CNIH3: variants seen among roughly 807,000 people sequenced by gnomAD.
CNIH3 encodes protein cornichon homolog 3.
A neutral mutation model predicts 24.1 loss-of-function variants in CNIH3; 14 were observed. The ratio of observed to expected loss-of-function variants is 0.58; its 90% CI spans 0.38 to 0.91. The LOEUF (loss-of-function observed/expected upper bound fraction) is 0.91. CNIH3 is among the 40% of genes least tolerant of loss of function. CNIH3 has a pLI of 0.00. For missense variants in CNIH3, 178 were observed against 196.8 expected (o/e 0.90, Z 0.57); for synonymous variants, 68 against 73.8 (o/e 0.92, Z 0.40).
intron 3 of CNIH3, among the ~76,000 whole-genome samples, chr1:224,696,746 G>A (rs16852065): frequency 0.046 from 6,879 of 151,150 alleles, 242 homozygotes; most frequent in Non-Finnish European, 0.065. Flanking sequence ...TACATAGTTG[G>A]TTGTTATGTG....
chr1:224,576,961 T>A (rs891555420), intron 4 of CNIH3, among the ~76,000 whole-genome samples: 2 of 151,976 alleles, frequency 1.3e-5, no homozygotes, highest in African/African-American at 4.8e-5. Context: ...AAACATAAAG[T>A]GGGACAAAGG....
chr1:224,439,644 G>A (rs1181071174), intron 1 of CNIH3, among the ~76,000 whole-genome samples: 1 of 152,064 alleles, frequency 6.6e-6, no homozygotes, highest in Non-Finnish European at 1.5e-5. Context: ...ATGGAGTCTC[G>A]CTCTGTCGCC....
chr1:224,730,932 AGAAAT>A (rs1041939498), intron 4 of CNIH3, among the ~76,000 whole-genome samples: 1 of 152,260 alleles, frequency 6.6e-6, no homozygotes, highest in Non-Finnish European at 1.5e-5. Flanking sequence ...GTCAATAAAA[AGAAAT>A]GAAGTACTGA....
downstream of CNIH3, chr1:224,537,025 A>T (rs189592870): frequency 6.6e-5 from 10 of 152,358 alleles, no homozygotes; most frequent in East Asian, 1.7e-3. Flanking sequence ...CCAAAATCCT[A>T]CACCAAAGAG....
chr1:224,633,946 T>A (rs77690833), intron 1 of CNIH3, among the ~76,000 whole-genome samples: 3,570 of 152,376 alleles, frequency 0.023, 67 homozygotes, highest in East Asian at 0.062. Flanking sequence ...TGCCACAGAC[T>A]CTTTGATGTG....
chr1:224,620,814 A>G (rs1280230166), intron 1 of CNIH3, among the ~76,000 whole-genome samples: 1 of 152,144 alleles, frequency 6.6e-6, no homozygotes, highest in Non-Finnish European at 1.5e-5. Flanking sequence ...AGCCTAGGCA[A>G]CATAGTGAGA....
At chr1:224,658,446 C>T (rs924775254) in intron 1 of CNIH3, among the ~76,000 whole-genome samples, 2 of 152,006 alleles carry the variant, frequency 1.3e-5, no homozygotes, top group African/African-American at 4.8e-5. Context: ...GAATTACAGG[C>T]GTGAGCCCCT....
chr1:224,447,180 C>T (rs1675202053), intron 1 of CNIH3, among the ~76,000 whole-genome samples: 1 of 152,014 alleles, frequency 6.6e-6, no homozygotes, highest in Non-Finnish European at 1.5e-5. Context: ...AAGCGGGAGC[C>T]CCTGGGATGC....
chr1:224,623,715 A>G (rs1405381800), intron 1 of CNIH3, among the ~76,000 whole-genome samples: 2 of 151,986 alleles, frequency 1.3e-5, no homozygotes, highest in African/African-American at 4.8e-5. Flanking sequence ...TCCTTCTCAG[A>G]CTCAGAAGCA....
At chr1:224,564,468 C>T (rs1389353481) in intron 3 of CNIH3, among the ~76,000 whole-genome samples, 2 of 152,210 alleles carry the variant, frequency 1.3e-5, no homozygotes, top group African/African-American at 2.4e-5. Flanking sequence ...CAAGACAAAT[C>T]GTACTATGAA....
At position 224,617,062 on chromosome 1, in the gene CNIH3, G is replaced by A; in HGVS notation, c.-113G>A. ...TAGCTGTGCGCCCTCCTGGGCACTA[G>A]CCTGGAGAGGAGCGTGCAGACGCGG... On this transcript the variant is annotated 5_prime_UTR_variant, in exon 1 of 6. It removes the in-frame stop codon of an upstream open reading frame in the 5' UTR. Coordinates refer to ENST00000272133, the MANE Select transcript of CNIH3 (RefSeq NM_152495.2). The A allele has an allele frequency of 6.6e-7, 1 of 1,518,144 alleles. No individual in the cohort carries two copies. The highest frequency in any genetic ancestry group is 1.3e-5 in the South Asian group (1 of 74,914). 94.0% of individuals were successfully genotyped at this position (1,518,144 alleles called of 1,614,324 possible).
chr1:224,511,924 C>T (rs558654765), upstream of CNIH3, among the ~76,000 whole-genome samples: 122 of 152,214 alleles, frequency 8.0e-4, no homozygotes, highest in Non-Finnish European at 1.6e-3. Context: ...GCCTGTAATC[C>T]CAGCACTTTG....
At chr1:224,675,158 T>C (rs1686078033) in intron 1 of CNIH3, among the ~76,000 whole-genome samples, 1 of 152,174 alleles carries the variant, frequency 6.6e-6, no homozygotes, top group South Asian at 2.1e-4. Context: ...AGATGCCTGA[T>C]GAGGGAGGGT....
chr1:224,694,084 A>T (rs1229862235), intron 3 of CNIH3, among the ~76,000 whole-genome samples: 1 of 152,176 alleles, frequency 6.6e-6, no homozygotes, highest in African/African-American at 2.4e-5. Context: ...TCTGTGGAGG[A>T]GGAGAGGAGA....
intron 3 of CNIH3, among the ~76,000 whole-genome samples, chr1:224,720,649 C>T (rs570927753): frequency 4.1e-4 from 62 of 152,238 alleles, no homozygotes; most frequent in African/African-American, 1.4e-3. Flanking sequence ...TCATCTGCCC[C>T]GTGCTGAGTA....
chr1:224,661,576 C>A, intron 1 of CNIH3: 1 of 378,324 alleles, frequency 2.6e-6, no homozygotes, highest in South Asian at 2.5e-5. Flanking sequence ...GTCTCTTCCA[C>A]CAAAAAATTC....
intron 1 of CNIH3, among the ~76,000 whole-genome samples, chr1:224,476,315 A>T (rs963570537): frequency 6.6e-6 from 1 of 152,216 alleles, no homozygotes. Flanking sequence ...TAATACATCT[A>T]ATATTCAGAA....
At chr1:224,468,879 G>A (rs144146337) in intron 1 of CNIH3, among the ~76,000 whole-genome samples, 2 of 151,970 alleles carry the variant, frequency 1.3e-5, no homozygotes, top group African/African-American at 4.8e-5. Context: ...GATATTAGGG[G>A]GAAAGCATTC....
At chr1:224,692,124 C>G (rs1443359746) in intron 3 of CNIH3, among the ~76,000 whole-genome samples, 1 of 152,052 alleles carries the variant, frequency 6.6e-6, no homozygotes, top group African/African-American at 2.4e-5. Context: ...GTGAGACCCC[C>G]ATATCTACAA....
Sources: allele counts gnomAD v4.1 joint callset (sites outside exome capture counted in the v4.1 genomes callset), GRCh38; gene constraint gnomAD v4.1.1; transcripts MANE v1.5; gene names NCBI Gene and HGNC (gene_info 2026-07-23, HGNC 2026-07-21).